KNCN: variants seen among roughly 807,000 people sequenced by gnomAD.
KNCN encodes kinocilin.
KNCN carries 11 observed loss-of-function variants against 10.4 expected under a neutral mutation model. That is an observed-to-expected ratio of 1.06 (90% CI 0.67 to 1.75). The LOEUF (loss-of-function observed/expected upper bound fraction) is 1.75, where lower values mean the gene tolerates loss of function less well. KNCN is among the 40% of genes most tolerant of loss of function. The pLI is 0.00. For missense variants in KNCN, 172 were observed against 167.1 expected (o/e 1.03, Z -0.16); for synonymous variants, 67 against 71.6 (o/e 0.94, Z 0.33).
Position 46,548,827 on chromosome 1 carries a change from C to T in KNCN, c.295+366G>A, listed in dbSNP as rs148515581. ...GGCTCCCGGGCCCCATGGAGCTGCT[C>T]AGTCAGGGAGGGGAGATGAAAGATG... On this transcript the variant is annotated intron_variant, in intron 3 of 3. Coordinates refer to ENST00000481882, the MANE Select transcript of KNCN (RefSeq NM_001322255.2). 4.8e-3 allele frequency among the ~76,000 whole-genome samples: 734 copies of T among 152,292 alleles called. 8 individuals are homozygous for T. The highest frequency in any genetic ancestry group is 0.029 in the South Asian group (138 of 4,824).
rs1181736343 is a variant in KNCN at position 46,546,115 on chromosome 1, C to A, written c.*1615G>T. The A allele has an allele frequency of 2.0e-5, 3 of 152,172 alleles. No individual in the cohort carries two copies. Among genetic ancestry groups the A allele is most frequent in the Non-Finnish European group, 4.4e-5 (3 of 68,056 alleles). 9.4% of individuals were successfully genotyped at this position (152,172 alleles called of 1,614,324 possible). On this transcript the variant is annotated 3_prime_UTR_variant, in exon 4 of 4. Transcript: ENST00000481882. Reference sequence around the variant, plus strand: ...ACTGTTGTCAGAGAACTGATCCCTGCCACTTGTGCAGAGGACAGCAGAAGA... The same window carrying A: ...ACTGTTGTCAGAGAACTGATCCCTGACACTTGTGCAGAGGACAGCAGAAGA...
chr1:46,549,230 G>A lies in KNCN; in HGVS notation c.258C>T (p.His86=), dbSNP rs768091153. 2.2e-5 allele frequency: 35 copies of A among 1,613,046 alleles called. No individual in the cohort carries two copies. Among genetic ancestry groups the A allele is most frequent in the Non-Finnish European group, 2.6e-5 (31 of 1,179,534 alleles). ...CATTGGTGCTGGATCTTCCTTCCCC[G>A]TGGTCTGCCCCTGGATGGGGATGGA... is the stretch of plus-strand genomic sequence containing the variant. ...LRIHPHPGAD[H]GEGRSSTNGN... is the part of the protein sequence containing the mutation. The change falls in exon 3 of 4, where the codon CAC becomes CAT. Residue 86 remains histidine (H), a synonymous_variant. Transcript: ENST00000481882.
intron 2 of KNCN, 102 bp from the exon 3 acceptor site, chr1:46,549,369 C>T (rs1667019822): frequency 3.9e-6 from 3 of 774,420 alleles, no homozygotes; most frequent in Non-Finnish European, 6.2e-6. Flanking sequence ...GTCTCCATCC[C>T]TGATGCTGTC....
At chr1:46,550,402 G>A (rs1667040506) in intron 1 of KNCN, among the ~76,000 whole-genome samples, 1 of 152,178 alleles carries the variant, frequency 6.6e-6, no homozygotes, top group South Asian at 2.1e-4. Context: ...AGCAGGAGCA[G>A]TGGAGCCAGT....
intron 3 of KNCN, 80 bp downstream of exon 3, chr1:46,549,113 C>T: frequency 8.8e-7 from 1 of 1,130,364 alleles, no homozygotes; most frequent in South Asian, 1.5e-5. Flanking sequence ...TGCACTCCAG[C>T]CTGGGCAACA....
chr1:46,549,920 G>C lies in KNCN; in HGVS notation c.220+14C>G, dbSNP rs1172780987. The C allele has an allele frequency of 1.9e-6, 3 of 1,550,498 alleles. No homozygotes were observed. In the African/African-American group the frequency reaches 4.1e-5, roughly 21 times the overall value. ...TTGGCAGAGGGGTCTGCTGGGGTCA[G>C]GGAGAGGCCTCACCTATGGTAGGCA... On this transcript the variant is annotated intron_variant, in intron 2 of 3. Transcript: ENST00000481882.
rs780686467 is a variant in KNCN, at chr1:46,551,185, G to A, written c.31C>T (p.Arg11Cys). ...GCCACGCAGGCCAGCTGCAGGCCGC[G>A]GAAGTCTCTGCTGCTGATGGGGATG... Reference protein sequence around the residue: MDIPISSRDFRGLQLACVALG... With the variant: MDIPISSRDFCGLQLACVALG... The change falls in exon 1 of 4, where the codon CGC becomes TGC. Residue 11 changes from arginine (R) to cysteine (C), a missense_variant. Coordinates refer to ENST00000481882, the MANE Select transcript of KNCN (RefSeq NM_001322255.2). This position sits in a 1 kb window ranked among gnomAD's most constrained non-coding sequence, Gnocchi z 4.0. 24 of 1,610,184 alleles carry A rather than the reference G, an allele frequency of 1.5e-5. No homozygotes were observed. Among genetic ancestry groups the A allele is most frequent in the Non-Finnish European group, 1.9e-5 (22 of 1,178,288 alleles).
chr1:46,551,195 G>A lies in KNCN; in HGVS notation c.21C>T (p.Ser7=). MDIPIS[S]RDFRGLQLAC... Reference sequence around the variant, plus strand: ...CCAGCTGCAGGCCGCGGAAGTCTCTGCTGCTGATGGGGATGTCCATGCAGG... The same window carrying A: ...CCAGCTGCAGGCCGCGGAAGTCTCTACTGCTGATGGGGATGTCCATGCAGG... Residue 7 remains serine, a synonymous_variant, in exon 1 of 4, where the codon AGC becomes AGT. Coordinates refer to ENST00000481882, the MANE Select transcript of KNCN (RefSeq NM_001322255.2). This position sits in a 1 kb window ranked among gnomAD's most constrained non-coding sequence, Gnocchi z 4.0. 1 of 1,609,586 alleles carries A rather than the reference G, an allele frequency of 6.2e-7. No homozygotes were observed. The highest frequency in any genetic ancestry group is 1.1e-5 in the South Asian group (1 of 90,420).
rs996105842 is a variant in KNCN at position 46,551,156 on chromosome 1, G to A, written c.60C>T (p.Leu20=). 18 of 1,611,204 alleles carry A rather than the reference G, an allele frequency of 1.1e-5. No homozygotes were observed. The highest frequency in any genetic ancestry group is 1.3e-5 in the African/African-American group (1 of 74,786). ...FRGLQLACVA[L]GLVAGSIIIG... Reference sequence around the variant, plus strand: ...TAATGATGCTGCCAGCCACCAGCCCGAGAGCCACGCAGGCCAGCTGCAGGC... The same window carrying A: ...TAATGATGCTGCCAGCCACCAGCCCAAGAGCCACGCAGGCCAGCTGCAGGC... The change falls in exon 1 of 4, where the codon CTC becomes CTT. Residue 20 remains leucine, a synonymous_variant. Coordinates refer to ENST00000481882, the MANE Select transcript of KNCN (RefSeq NM_001322255.2). This position sits in a 1 kb window ranked among gnomAD's most constrained non-coding sequence, Gnocchi z 4.0.
In KNCN at chr1:46,549,242, T is replaced by G; in HGVS notation, c.246A>C (p.Pro82=). 6.2e-7 allele frequency: 1 copy of G among 1,613,134 alleles called. No homozygotes were observed. The highest frequency in any genetic ancestry group is 1.1e-5 in the South Asian group (1 of 90,874). Residue 82 remains proline (P), a synonymous_variant, in exon 3 of 4, where the codon CCA becomes CCC. Coordinates refer to ENST00000481882, the MANE Select transcript of KNCN (RefSeq NM_001322255.2). ...TIGSLRIHPH[P]GADHGEGRSS... ...ATCTTCCTTCCCCGTGGTCTGCCCC[T>G]GGATGGGGATGGATTCTTAGGCTCC... is the stretch of plus-strand genomic sequence containing the variant.
chr1:46,547,421 G>C lies in KNCN; in HGVS notation c.*309C>G. 1 of 603,852 alleles carries C rather than the reference G, an allele frequency of 1.7e-6. No homozygotes were observed. The highest frequency in any genetic ancestry group is 3.6e-5 in the East Asian group (1 of 27,994). 37.4% of individuals were successfully genotyped at this position (603,852 alleles called of 1,614,324 possible). A position where few individuals can be genotyped will look rare whatever the true frequency, so the allele number is the denominator to read the frequency against. On this transcript the variant is annotated 3_prime_UTR_variant, in exon 4 of 4. Transcript: ENST00000481882. The stretch of plus-strand genomic sequence containing the variant: ...TTCCAGAGAAACAAATCAGTAGATT[G>C]AACAGGCAACAAAGCTGAGCTGCAG...
chr1:46,548,961 A>G (rs893250967), intron 3 of KNCN, among the ~76,000 whole-genome samples: 6 of 151,974 alleles, frequency 3.9e-5, no homozygotes, highest in Admixed American at 1.3e-4. Flanking sequence ...ACCAACATGG[A>G]GAAACCCCGT....
In KNCN at chr1:46,549,922, G is replaced by A. The variant is rs1217060272; in HGVS notation, c.220+12C>T. On this transcript the variant is annotated intron_variant, in intron 2 of 3. Coordinates refer to ENST00000481882, the MANE Select transcript of KNCN (RefSeq NM_001322255.2). ...GGCAGAGGGGTCTGCTGGGGTCAGGGAGAGGCCTCACCTATGGTAGGCAGG... is the reference window on the plus strand; with the variant it reads ...GGCAGAGGGGTCTGCTGGGGTCAGGAAGAGGCCTCACCTATGGTAGGCAGG... 6.4e-7 allele frequency: 1 copy of A among 1,550,620 alleles called. No homozygotes were observed. Among genetic ancestry groups the A allele is most frequent in the South Asian group, 1.2e-5 (1 of 84,058 alleles).
chr1:46,550,492 A>G (rs970096566), intron 1 of KNCN, among the ~76,000 whole-genome samples: 1 of 139,024 alleles, frequency 7.2e-6, no homozygotes, highest in African/African-American at 2.6e-5. Context: ...AAAGCCCCCT[A>G]GCCTGATGCT....
At chr1:46,548,938 C>T (rs890960667) in intron 3 of KNCN, among the ~76,000 whole-genome samples, 1 of 152,032 alleles carries the variant, frequency 6.6e-6, no homozygotes, top group Non-Finnish European at 1.5e-5. Flanking sequence ...GTTGGGAGTT[C>T]GAGACCAGCC....
In KNCN at chr1:46,551,128, C is replaced by A. The variant is rs201613509; in HGVS notation, c.88G>T (p.Gly30Cys). ...GCTGCAGCCTTGGATACGGAGATGC[C>A]GATAATGATGCTGCCAGCCACCAGC... ...LGLVAGSIII[G>C]ISVSKAAAAM... The change falls in exon 1 of 4, where the codon GGC becomes TGC. Residue 30 changes from glycine (G) to cysteine (C), a missense_variant. Transcript: ENST00000481882. This position sits in a 1 kb window ranked among gnomAD's most constrained non-coding sequence, Gnocchi z 4.0. 1 of 1,611,522 alleles carries A rather than the reference C, an allele frequency of 6.2e-7. No homozygotes were observed. The highest frequency in any genetic ancestry group is 8.5e-7 in the Non-Finnish European group (1 of 1,178,800).
In KNCN at chr1:46,547,768, T is replaced by C; in HGVS notation, c.337A>G (p.Lys113Glu). 1 of 1,476,206 alleles carries C rather than the reference T, an allele frequency of 6.8e-7. No homozygotes were observed. The highest frequency in any genetic ancestry group is 9.0e-7 in the Non-Finnish European group (1 of 1,114,324). 91.4% of individuals were successfully genotyped at this position (1,476,206 alleles called of 1,614,324 possible). A position where few individuals can be genotyped will look rare whatever the true frequency, so the allele number is the denominator to read the frequency against. The change falls in exon 4 of 4, where the codon AAG (lysine) becomes GAG (glutamate). Residue 113 changes from lysine (K) to glutamate (E), a missense_variant. By Grantham distance (56) the Lys-to-Glu change is moderately conservative. Coordinates refer to ENST00000481882, the MANE Select transcript of KNCN (RefSeq NM_001322255.2). ...GCCCCCCGGGTCCCCGGCTTCAGCT[T>C]CTCCAGGGTCCTGCTCACGGTGGAC... ...SLSTVSRTLE[K>E]LKPGTRGAEE...
chr1:46,551,182 C>G lies in KNCN; in HGVS notation c.34G>C (p.Gly12Arg). ...AGAGCCACGCAGGCCAGCTGCAGGC[C>G]GCGGAAGTCTCTGCTGCTGATGGGG... ...DIPISSRDFR[G>R]LQLACVALGL... Residue 12 changes from glycine to arginine, a missense_variant, in exon 1 of 4, where the codon GGC becomes CGC. Coordinates refer to ENST00000481882, the MANE Select transcript of KNCN (RefSeq NM_001322255.2). This position sits in a 1 kb window ranked among gnomAD's most constrained non-coding sequence, Gnocchi z 4.0. 24 of 1,610,170 alleles carry G rather than the reference C, an allele frequency of 1.5e-5. No homozygotes were observed. The highest frequency in any genetic ancestry group is 2.0e-5 in the Non-Finnish European group (24 of 1,178,362).
intron 1 of KNCN, 107 bp from the exon 2 acceptor site, chr1:46,550,109 T>G (rs1667034741): frequency 1.3e-6 from 2 of 1,534,684 alleles, no homozygotes; most frequent in Non-Finnish European, 1.8e-6. Flanking sequence ...TGGGTGTGCA[T>G]GGGAGGAGCA....
Sources: allele counts gnomAD v4.1 joint callset (sites outside exome capture counted in the v4.1 genomes callset), GRCh38; gene constraint gnomAD v4.1.1; non-coding constraint Gnocchi (gnomAD v3.1); transcripts MANE v1.5; gene names NCBI Gene and HGNC (gene_info 2026-07-23, HGNC 2026-07-21).